The following PDE4D variants were observed in gnomAD, a reference collection of about 807,000 sequenced individuals.
The protein encoded by PDE4D is phosphodiesterase 4D, also known as 3',5'-cyclic-AMP phosphodiesterase 4D.
A neutral mutation model predicts 87.4 loss-of-function variants in PDE4D; 24 were observed. The observed-to-expected ratio is 0.27, with a 90% CI of 0.20 to 0.39. The LOEUF (loss-of-function observed/expected upper bound fraction) is 0.39. Among genes scored for constraint, PDE4D ranks in the 10% least tolerant of loss-of-function variants. PDE4D has a pLI of 1.00. For missense variants in PDE4D, 714 were observed against 1,041.0 expected (o/e 0.69, Z 4.32); for synonymous variants, 384 against 383.2 (o/e 1.00, Z -0.02).
intron 1 of PDE4D, among the ~76,000 whole-genome samples, chr5:59,381,674 G>A (rs962441424): frequency 2.6e-5 from 4 of 152,164 alleles, no homozygotes; most frequent in African/African-American, 9.6e-5. Flanking sequence ...CAAATATCAC[G>A]TCTTTCTAAG....
chr5:59,327,012 A>T (rs1056902896), intron 1 of PDE4D, among the ~76,000 whole-genome samples: 2 of 152,020 alleles, frequency 1.3e-5, no homozygotes, highest in Non-Finnish European at 2.9e-5. Context: ...TTTACACCTA[A>T]CCATCTTCCA....
intron 1 of PDE4D, among the ~76,000 whole-genome samples, chr5:60,213,321 G>A (rs764005226): frequency 7.2e-5 from 11 of 152,276 alleles, no homozygotes; most frequent in Non-Finnish European, 1.3e-4. Context: ...TTAGGTTTGG[G>A]GCAGCAATGG....
chr5:59,780,019 C>A (rs1013737236), intron 1 of PDE4D, among the ~76,000 whole-genome samples: 1 of 152,190 alleles, frequency 6.6e-6, no homozygotes, highest in Non-Finnish European at 1.5e-5. Flanking sequence ...GTTGTCAATG[C>A]CTTTTTTCCC....
At chr5:60,414,135 G>C (rs1309177119) in intron 1 of PDE4D, among the ~76,000 whole-genome samples, 2 of 152,190 alleles carry the variant, frequency 1.3e-5, no homozygotes, top group Non-Finnish European at 2.9e-5. Flanking sequence ...CCGATGCTAA[G>C]ACGAATCTCC....
intron 1 of PDE4D, among the ~76,000 whole-genome samples, chr5:59,549,575 T>C (rs1817783212): frequency 6.6e-6 from 1 of 152,058 alleles, no homozygotes; most frequent in South Asian, 2.1e-4. Flanking sequence ...GGTTATAGGG[T>C]TTCAAATGGT....
intron 2 of PDE4D, among the ~76,000 whole-genome samples, chr5:60,117,022 A>C (rs1476072823): frequency 1.4e-5 from 2 of 140,726 alleles, no homozygotes; most frequent in African/African-American, 5.5e-5. Context: ...AAATAATTTG[A>C]CATTACCCAA....
At chr5:60,458,386 C>CAAAAAAAAAAAAAAAAAAAAAA (rs61006284) in intron 1 of PDE4D, among the ~76,000 whole-genome samples, 1 of 75,188 alleles carries the variant, frequency 1.3e-5, no homozygotes, top group Non-Finnish European at 2.5e-5. Flanking sequence ...GACTTCATTG[C>CAAAAAAAAAAAAAAAAAAAAAA]AAAAAAAAAA....
intron 1 of PDE4D, among the ~76,000 whole-genome samples, chr5:59,303,395 T>C (rs1401362923): frequency 2.0e-5 from 3 of 152,296 alleles, no homozygotes; most frequent in Middle Eastern, 3.4e-3. Flanking sequence ...TAAAGTTTAA[T>C]GAGGTCCCAG....
chr5:59,183,936 C>G (rs775178985), intron 4 of PDE4D, among the ~76,000 whole-genome samples: 1 of 152,172 alleles, frequency 6.6e-6, no homozygotes, highest in Non-Finnish European at 1.5e-5. Flanking sequence ...AACAGACAAA[C>G]AGGCAACAGG....
At chr5:59,157,439 G>T in intron 5 of PDE4D, 1 of 693,092 alleles carries the variant, frequency 1.4e-6, no homozygotes, top group Non-Finnish European at 2.6e-6. Context: ...TGGGATAAGA[G>T]TTACTATTGT....
intron 1 of PDE4D, among the ~76,000 whole-genome samples, chr5:60,210,509 A>C (rs1743068984): frequency 6.6e-6 from 1 of 152,176 alleles, no homozygotes; most frequent in African/African-American, 2.4e-5. Context: ...TTCCACCAGG[A>C]AGCGAATTAA....
At chr5:59,808,792 G>A (rs1048214778) in intron 1 of PDE4D, among the ~76,000 whole-genome samples, 1 of 152,044 alleles carries the variant, frequency 6.6e-6, no homozygotes, top group Non-Finnish European at 1.5e-5. Flanking sequence ...TTCTCTTAAT[G>A]CCTGCAAATG....
At chr5:59,630,266 A>ACC (rs1343895278) in intron 1 of PDE4D, among the ~76,000 whole-genome samples, 2 of 152,084 alleles carry the variant, frequency 1.3e-5, no homozygotes, top group Non-Finnish European at 2.9e-5. Flanking sequence ...AGTCTACAGT[A>ACC]CTCTTTTCTC....
intron 1 of PDE4D, among the ~76,000 whole-genome samples, chr5:59,514,995 C>A (rs1330074166): frequency 1.3e-5 from 2 of 152,140 alleles, no homozygotes; most frequent in Non-Finnish European, 2.9e-5. Flanking sequence ...TTCTATGTAC[C>A]TATATGTGTA....
intron 1 of PDE4D, among the ~76,000 whole-genome samples, chr5:60,310,962 G>C (rs964486547): frequency 2.0e-5 from 3 of 151,608 alleles, no homozygotes; most frequent in African/African-American, 7.3e-5. Flanking sequence ...AAATATGAAG[G>C]TTCACACTTA....
intron 1 of PDE4D, chr5:60,262,589 T>C (rs1749767412): frequency 6.6e-6 from 1 of 152,172 alleles, no homozygotes; most frequent in Admixed American, 6.6e-5. Flanking sequence ...GCAGAGAAGG[T>C]GTTTCCTGCC....
intron 1 of PDE4D, among the ~76,000 whole-genome samples, chr5:59,484,472 A>T (rs990077330): frequency 4.6e-5 from 7 of 152,152 alleles, no homozygotes; most frequent in Non-Finnish European, 2.9e-5. Flanking sequence ...TATATTGAAA[A>T]ATTCTAGATA....
chr5:60,114,938 A>G (rs988378772), intron 2 of PDE4D, among the ~76,000 whole-genome samples: 2 of 146,686 alleles, frequency 1.4e-5, no homozygotes, highest in African/African-American at 5.1e-5. Flanking sequence ...GATTAGATAG[A>G]TACATGGATG....
chr5:60,488,984 C>T (rs542218951), upstream of PDE4D, among the ~76,000 whole-genome samples: 23 of 152,294 alleles, frequency 1.5e-4, no homozygotes, highest in East Asian at 4.1e-3. Flanking sequence ...TTTCCCATTA[C>T]ATTTTAGTGT....
Sources: gnomAD v4.1 joint callset for allele counts (sites outside exome capture counted in the v4.1 genomes callset) on GRCh38, gnomAD v4.1.1 for gene constraint, MANE v1.5 for transcripts, NCBI Gene and HGNC (gene_info 2026-07-23, HGNC 2026-07-21) for gene names.